The following AZI2 variants were observed in gnomAD, a reference collection of about 807,000 sequenced individuals.
AZI2 encodes the protein 5-azacytidine-induced protein 2.
A neutral mutation model predicts 45.8 loss-of-function variants in AZI2; 22 were observed. The ratio of observed to expected loss-of-function variants is 0.48; its 90% CI spans 0.34 to 0.69. AZI2 has a LOEUF of 0.69. Among genes scored for constraint, AZI2 ranks in the 30% least tolerant of loss-of-function variants. AZI2 has a pLI of 0.01. For missense variants in AZI2, 417 were observed against 441.5 expected (o/e 0.94, Z 0.50); for synonymous variants, 137 against 156.7 (o/e 0.87, Z 0.94).
At chr3:28,340,770 G>A (rs1703983602) in intron 1 of AZI2, 148 bp from the exon 2 acceptor site, 1 of 622,620 alleles carries the variant, frequency 1.6e-6, no homozygotes, top group South Asian at 2.8e-5. Context: ...ACCATTTAGT[G>A]TCTGACTTTG....
chr3:28,336,195 T>C (rs935382739), intron 5 of AZI2, among the ~76,000 whole-genome samples: 1 of 152,050 alleles, frequency 6.6e-6, no homozygotes, highest in African/African-American at 2.4e-5. Flanking sequence ...GGCAGGTTTT[T>C]GTTATTTTTT....
chr3:28,338,632 A>C lies in AZI2; in HGVS notation c.217-17T>G. 6.2e-7 allele frequency: 1 copy of C among 1,602,804 alleles called. No homozygotes were observed. Among genetic ancestry groups the C allele is most frequent in the Non-Finnish European group, 8.5e-7 (1 of 1,174,590 alleles). ...AGCTATTAGCTAACGGTATGAAATT[A>C]GAAGAGAAAGCTTAAGAGAGTATTC... On this transcript the variant is annotated splice_polypyrimidine_tract_variant and intron_variant, in intron 2 of 7. Coordinates refer to ENST00000479665, the MANE Select transcript of AZI2 (RefSeq NM_022461.5).
intron 7 of AZI2, 68 bp from the exon 8 acceptor site, chr3:28,324,522 TCAC>T: frequency 7.5e-7 from 1 of 1,327,084 alleles, no homozygotes; most frequent in Middle Eastern, 2.0e-4. Flanking sequence ...CGATAACACT[TCAC>T]CAATTTGAAT....
At chr3:28,337,031 T>C (rs958860659) in intron 4 of AZI2, 146 bp from the exon 5 acceptor site, 41 of 754,862 alleles carry the variant, frequency 5.4e-5, no homozygotes, top group Middle Eastern at 3.9e-4. Context: ...AAACAGTAAT[T>C]ATTAATACTT....
intron 6 of AZI2, 46 bp from the exon 7 acceptor site, chr3:28,326,996 T>G: frequency 7.5e-7 from 1 of 1,325,796 alleles, no homozygotes; most frequent in Non-Finnish European, 1.1e-6. Flanking sequence ...TCATTCTTTT[T>G]TAGACAAAAG....
chr3:28,338,202 G>A (rs1205596493), intron 3 of AZI2, among the ~76,000 whole-genome samples, 166 bp from the exon 4 acceptor site: 2 of 148,726 alleles, frequency 1.3e-5, no homozygotes, highest in Non-Finnish European at 3.0e-5. Flanking sequence ...CCTAATTTAG[G>A]ACATCATTAT....
intron 6 of AZI2, among the ~76,000 whole-genome samples, chr3:28,329,242 A>G (rs1470031189): frequency 2.0e-5 from 3 of 151,106 alleles, no homozygotes; most frequent in Non-Finnish European, 4.5e-5. Context: ...AAAGTGAGTA[A>G]CCTCATTTTA....
Position 28,321,297 on chromosome 3 carries a change from G to C in AZI2, c.*2745C>G, listed in dbSNP as rs1438832173. 1 of 151,342 alleles carries C rather than the reference G, an allele frequency of 6.6e-6. No individual in the cohort carries two copies. Among genetic ancestry groups the C allele is most frequent in the Admixed American group, 6.6e-5 (1 of 15,138 alleles). 9.4% of individuals were successfully genotyped at this position (151,342 alleles called of 1,614,324 possible). On this transcript the variant is annotated 3_prime_UTR_variant, in exon 8 of 8. Coordinates refer to ENST00000479665, the MANE Select transcript of AZI2 (RefSeq NM_022461.5). ...TTTTTAGAGATAAATGAAAATGGAA[G>C]AGTTACTTTAAGAAGCTAGTGAAAT...
intron 7 of AZI2, among the ~76,000 whole-genome samples, chr3:28,325,577 TATG>T (rs1703358539): frequency 6.6e-6 from 1 of 150,972 alleles, no homozygotes; most frequent in African/African-American, 2.4e-5. Context: ...CTAGAAAACT[TATG>T]TTCCAAAGCA....
chr3:28,340,243 C>G (rs940993810), intron 2 of AZI2, among the ~76,000 whole-genome samples, 159 bp downstream of exon 2: 6 of 151,972 alleles, frequency 3.9e-5, no homozygotes, highest in African/African-American at 1.4e-4. Context: ...ATGTGAAACA[C>G]AGGATAAGTA....
rs1703230857 is a variant in AZI2, at chr3:28,322,880, A to G, written c.*1162T>C. 1 of 151,354 alleles carries G rather than the reference A, an allele frequency of 6.6e-6. No individual in the cohort carries two copies. The highest frequency in any genetic ancestry group is 2.1e-4 in the South Asian group (1 of 4,826). 9.4% of individuals were successfully genotyped at this position (151,354 alleles called of 1,614,324 possible). A position where few individuals can be genotyped will look rare whatever the true frequency, so the allele number is the denominator to read the frequency against. On this transcript the variant is annotated 3_prime_UTR_variant, in exon 8 of 8. Transcript: ENST00000479665. ...TATGAAACTGTCTATCAAAAAGGAT[A>G]AAAGTCCTCCTACATGAAATACTTT...
intron 2 of AZI2, among the ~76,000 whole-genome samples, chr3:28,339,072 C>T (rs1703911772): frequency 6.6e-6 from 1 of 151,928 alleles, no homozygotes; most frequent in African/African-American, 2.4e-5. Flanking sequence ...CCTCCGCCTC[C>T]CAGGTTTAAG....
At chr3:28,332,451 A>C in intron 5 of AZI2, 24 bp from the exon 6 acceptor site, 5 of 1,588,944 alleles carry the variant, frequency 3.1e-6, no homozygotes, top group Non-Finnish European at 4.3e-6. Flanking sequence ...AAAAAAAAGA[A>C]GTTTAAAAGT....
chr3:28,334,082 C>A (rs1703697598), intron 5 of AZI2, among the ~76,000 whole-genome samples: 1 of 151,356 alleles, frequency 6.6e-6, no homozygotes, highest in African/African-American at 2.4e-5. Context: ...AGTGGAACTG[C>A]CCCTGAAACC....
In AZI2 at chr3:28,326,935, A is replaced by G. The variant is rs541536820; in HGVS notation, c.663T>C (p.His221=). ...TTTCTCTCTTCAGTTCCCAGTATGC[A>G]TGCTGCATATTATCACTGAAATAAA... ...KLSISSDNMQ[H]AYWELKREMS... is the part of the protein sequence containing the mutation. Residue 221 remains histidine (H), a synonymous_variant, in exon 7 of 8, where the codon CAT becomes CAC. Transcript: ENST00000479665. 3.1e-6 allele frequency: 5 copies of G among 1,605,780 alleles called. No homozygotes were observed. In the African/African-American group the frequency reaches 6.7e-5, roughly 22 times the overall value.
At chr3:28,337,008 A>C (rs1470777553) in intron 4 of AZI2, 123 bp from the exon 5 acceptor site, 2 of 947,902 alleles carry the variant, frequency 2.1e-6, no homozygotes, top group Non-Finnish European at 3.0e-6. Context: ...ATATATGATC[A>C]ATAGTTTTTT....
intron 1 of AZI2, among the ~76,000 whole-genome samples, chr3:28,341,150 T>A (rs1704001348): frequency 6.6e-6 from 1 of 152,088 alleles, no homozygotes; most frequent in East Asian, 1.9e-4. Flanking sequence ...AGTAATTGGC[T>A]ATGTTTGTTG....
chr3:28,346,151 CT>C (rs1704218657), intron 1 of AZI2, among the ~76,000 whole-genome samples: 1 of 151,998 alleles, frequency 6.6e-6, no homozygotes, highest in African/African-American at 2.4e-5. Context: ...TCTGGTTATC[CT>C]AAGAATATGG....
chr3:28,337,779 A>T (rs1385520350), intron 4 of AZI2, among the ~76,000 whole-genome samples, 158 bp downstream of exon 4: 1 of 152,194 alleles, frequency 6.6e-6, no homozygotes, highest in Non-Finnish European at 1.5e-5. Flanking sequence ...AAGGAAGTTG[A>T]TATTATGTGA....
Sources: gnomAD v4.1 joint callset for allele counts (sites outside exome capture counted in the v4.1 genomes callset) on GRCh38, gnomAD v4.1.1 for gene constraint, MANE v1.5 for transcripts, NCBI Gene and HGNC (gene_info 2026-07-23, HGNC 2026-07-21) for gene names.